NBAS: variants seen among roughly 807,000 people sequenced by gnomAD.
NBAS encodes the protein NAG/BC035112 fusion.
In NBAS, 219 loss-of-function variants were observed where a neutral mutation model predicts 302.5. The ratio of observed to expected loss-of-function variants is 0.72; its 90% CI spans 0.65 to 0.81. The LOEUF (loss-of-function observed/expected upper bound fraction) is 0.81. Among genes scored for constraint, NBAS ranks in the 30% least tolerant of loss-of-function variants. NBAS has a pLI of 0.00. For synonymous variants in NBAS, 1,118 were observed against 1,021.6 expected, an observed-to-expected ratio of 1.09 and a Z score of -1.80; for missense variants, 2,932 against 2,841.6, an observed-to-expected ratio of 1.03 and a Z score of -0.72.
At chr2:15,221,616 G>A (rs1161682936) in intron 47 of NBAS, among the ~76,000 whole-genome samples, 1 of 152,184 alleles carries the variant, frequency 6.6e-6, no homozygotes, top group African/African-American at 2.4e-5. Flanking sequence ...AGAGAGAATA[G>A]AACCAGGAAA....
chr2:15,016,828 C>A, the NBAS span, among the ~76,000 whole-genome samples: 2 of 152,096 alleles, frequency 1.3e-5, no homozygotes, highest in Non-Finnish European at 2.9e-5. Flanking sequence ...CGTGTATATA[C>A]AGCCAACTGA....
the NBAS span, among the ~76,000 whole-genome samples, chr2:15,041,241 G>A: frequency 1.3e-5 from 2 of 152,214 alleles, no homozygotes; most frequent in Non-Finnish European, 2.9e-5. Flanking sequence ...CCATGGGGGA[G>A]GCTCAAGGAC....
intron 35 of NBAS, among the ~76,000 whole-genome samples, chr2:15,335,715 T>G (rs937645317): frequency 6.6e-6 from 1 of 152,198 alleles, no homozygotes; most frequent in Non-Finnish European, 1.5e-5. Flanking sequence ...CTTTATATAT[T>G]CTGGATACAC....
the NBAS span, among the ~76,000 whole-genome samples, chr2:15,109,591 G>T: frequency 1.8e-4 from 27 of 152,262 alleles, no homozygotes; most frequent in African/African-American, 6.5e-4. Flanking sequence ...GAAGCTGGAA[G>T]GCTCAGATCA....
chr2:15,100,287 G>A, the NBAS span, among the ~76,000 whole-genome samples: 1 of 152,128 alleles, frequency 6.6e-6, no homozygotes, highest in Non-Finnish European at 1.5e-5. Flanking sequence ...TGTTCTACAG[G>A]ATCACTGTAG....
At chr2:14,893,477 T>C in the NBAS span, among the ~76,000 whole-genome samples, 1 of 152,256 alleles carries the variant, frequency 6.6e-6, no homozygotes, top group Non-Finnish European at 1.5e-5. Context: ...CAAATATGTT[T>C]GCAGCTATAA....
the NBAS span, among the ~76,000 whole-genome samples, chr2:15,020,705 T>G: frequency 6.6e-6 from 1 of 152,330 alleles, no homozygotes; most frequent in South Asian, 2.1e-4. Flanking sequence ...TCCTCACAGC[T>G]AAGATATGAG....
chr2:14,874,647 GA>G, the NBAS span, among the ~76,000 whole-genome samples: 363 of 100,230 alleles, frequency 3.6e-3, 1 homozygote, highest in Non-Finnish European at 5.0e-3. Context: ...CTCAAAAAAA[GA>G]AAAAAAAAAA....
At chr2:15,190,568 A>G (rs1665304259) in intron 48 of NBAS, among the ~76,000 whole-genome samples, 165 bp from the exon 49 acceptor site, 1 of 152,198 alleles carries the variant, frequency 6.6e-6, no homozygotes, top group Non-Finnish European at 1.5e-5. Context: ...GCCTTACTCA[A>G]TGTCAGATTA....
At chr2:15,460,038 C>T (rs540876701) in intron 21 of NBAS, among the ~76,000 whole-genome samples, 8 of 152,092 alleles carry the variant, frequency 5.3e-5, no homozygotes, top group East Asian at 1.9e-4. Context: ...TTACTCTATA[C>T]ATGTTGACCA....
the NBAS span, among the ~76,000 whole-genome samples, chr2:14,991,375 G>A: frequency 1.3e-5 from 2 of 152,118 alleles, no homozygotes. Flanking sequence ...ACGTTGGAGG[G>A]AACTAAGAAA....
intron 38 of NBAS, among the ~76,000 whole-genome samples, chr2:15,326,857 T>C (rs58681064): frequency 0.052 from 7,847 of 152,114 alleles, 286 homozygotes; most frequent in African/African-American, 0.1. Flanking sequence ...TTGCCTCTCC[T>C]CTCTCCAGCA....
intron 9 of NBAS, among the ~76,000 whole-genome samples, chr2:15,528,454 AAT>A (rs1182275590): frequency 1.4e-5 from 2 of 147,432 alleles, no homozygotes; most frequent in Non-Finnish European, 3.0e-5. Context: ...ATATATATGA[AAT>A]ATATTTTTAT....
chr2:15,171,864 C>A (rs912280890), intron 51 of NBAS, among the ~76,000 whole-genome samples: 2 of 152,210 alleles, frequency 1.3e-5, no homozygotes, highest in African/African-American at 4.8e-5. Flanking sequence ...GAGAAGGCGG[C>A]CGTCGACACG....
the NBAS span, among the ~76,000 whole-genome samples, chr2:14,919,512 G>GACTC: frequency 6.6e-6 from 1 of 152,114 alleles, no homozygotes; most frequent in East Asian, 1.9e-4. Flanking sequence ...TGCATCCATT[G>GACTC]ACTCTTGCTT....
chr2:14,822,711 G>A, the NBAS span, among the ~76,000 whole-genome samples: 4 of 152,198 alleles, frequency 2.6e-5, no homozygotes, highest in African/African-American at 7.2e-5. Flanking sequence ...CCCACAAGGT[G>A]AGCAACTTGA....
At chr2:14,804,238 C>T in the NBAS span, among the ~76,000 whole-genome samples, 3 of 152,146 alleles carry the variant, frequency 2.0e-5, no homozygotes, top group Non-Finnish European at 2.9e-5. Context: ...ATCCTGTAAA[C>T]AAATGTTCTT....
chr2:14,858,796 C>T, the NBAS span, among the ~76,000 whole-genome samples: 1 of 151,876 alleles, frequency 6.6e-6, no homozygotes, highest in African/African-American at 2.4e-5. Flanking sequence ...TATTTGATTG[C>T]ACATTTTTAA....
chr2:15,292,696 T>C lies in NBAS; in HGVS notation c.4868A>G (p.Glu1623Gly), dbSNP rs1238646455. 1 of 1,614,112 alleles carries C rather than the reference T, an allele frequency of 6.2e-7. No homozygotes were observed. Among genetic ancestry groups the C allele is most frequent in the Non-Finnish European group, 8.5e-7 (1 of 1,180,058 alleles). ...CTGCTTGGTCAGTGAAATAAGGTCTTCAGGCCAGGCTTCGTGCTCATGTCG... is the reference window on the plus strand; with the variant it reads ...CTGCTTGGTCAGTGAAATAAGGTCTCCAGGCCAGGCTTCGTGCTCATGTCG... ...VTRHEHEAWPEDLISLTKQLH... is the reference protein window; with the variant it reads ...VTRHEHEAWPGDLISLTKQLH... Residue 1623 changes from glutamate (E) to glycine (G), a missense_variant, in exon 41 of 52, where the codon GAA becomes GGA. Transcript: ENST00000281513.
Sources: allele counts gnomAD v4.1 joint callset (sites outside exome capture counted in the v4.1 genomes callset), GRCh38; gene constraint gnomAD v4.1.1; transcripts MANE v1.5; gene names NCBI Gene and HGNC (gene_info 2026-07-23, HGNC 2026-07-21).